The following PCDHGB3 variants were observed in gnomAD, a reference collection of about 807,000 sequenced individuals.
The protein encoded by PCDHGB3 is protocadherin gamma subfamily B, 3.
PCDHGB3 carries 40 observed loss-of-function variants against 59.2 expected under a neutral mutation model. The ratio of observed to expected loss-of-function variants is 0.68; its 90% CI spans 0.52 to 0.88. The LOEUF is 0.88. Ranked by LOEUF, PCDHGB3 falls within the 40% of genes least tolerant of loss-of-function variation. The pLI is 0.00. For synonymous variants in PCDHGB3, 581 were observed against 503.6 expected (o/e 1.15, Z -2.06); for missense variants, 1,309 against 1,187.9 (o/e 1.10, Z -1.50).
At chr5:141,509,481 A>G (rs2099877035) in intron 3 of PCDHGB3, among the ~76,000 whole-genome samples, 1 of 152,010 alleles carries the variant, frequency 6.6e-6, no homozygotes, top group Admixed American at 6.6e-5. Flanking sequence ...TGAGGGGTAG[A>G]GGTGATGGCA....
At chr5:141,441,398 G>A (rs1257981333) in intron 1 of PCDHGB3, 1 of 154,848 alleles carries the variant, frequency 6.5e-6, no homozygotes, top group Non-Finnish European at 1.4e-5. Context: ...TATAACATCA[G>A]CATCACTGCC....
intron 1 of PCDHGB3, chr5:141,433,267 C>T (rs1462399366): frequency 7.7e-7 from 1 of 1,305,096 alleles, no homozygotes; most frequent in Non-Finnish European, 1.1e-6. Context: ...GATCATAGCT[C>T]ACTGCAGCCT....
intron 1 of PCDHGB3, chr5:141,433,007 C>T (rs550227016): frequency 1.2e-6 from 2 of 1,614,198 alleles, no homozygotes; most frequent in Admixed American, 3.3e-5. Context: ...GCAGGCTTTC[C>T]TGCAGACCTA....
chr5:141,482,220 G>T (rs945741591), intron 1 of PCDHGB3, among the ~76,000 whole-genome samples: 8 of 152,148 alleles, frequency 5.3e-5, no homozygotes, highest in African/African-American at 1.9e-4. Flanking sequence ...ACTTGTTTTG[G>T]TGTGAAATTG....
At position 141,431,633 on chromosome 5, in the gene PCDHGB3, T is replaced by G; in HGVS notation, c.2415+58824T>G. On this transcript the variant is annotated intron_variant, in intron 1 of 3. Coordinates refer to ENST00000576222, the MANE Select transcript of PCDHGB3 (RefSeq NM_018924.5). This position sits in a 1 kb window ranked among gnomAD's most constrained non-coding sequence, Gnocchi z 4.8. Reference sequence around the variant, plus strand: ...TGTGGACGACAAGGCGGCCCAAGTTTTCAAACTAGATTGTAATTCAGGGAC... The same window carrying G: ...TGTGGACGACAAGGCGGCCCAAGTTGTCAAACTAGATTGTAATTCAGGGAC... 6.2e-7 allele frequency: 1 copy of G among 1,614,240 alleles called. No individual in the cohort carries two copies. Among genetic ancestry groups the G allele is most frequent in the Non-Finnish European group, 8.5e-7 (1 of 1,180,048 alleles).
rs1417059875 is a variant in PCDHGB3 at position 141,496,499 on chromosome 5, G to C, written c.2474+1634G>C. 2.6e-5 allele frequency among the ~76,000 whole-genome samples: 4 copies of C among 152,102 alleles called. No individual in the cohort carries two copies. In the East Asian group the frequency reaches 7.7e-4, roughly 29 times the overall value. On this transcript the variant is annotated intron_variant, in intron 2 of 3. Coordinates refer to ENST00000576222, the MANE Select transcript of PCDHGB3 (RefSeq NM_018924.5). ...TCCTGCAACCAACCAAACCCTTGTT[G>C]CCACAAGGACCCAGGAGCCCTTGGT...
intron 1 of PCDHGB3, chr5:141,399,271 T>C: frequency 1.2e-6 from 2 of 1,613,926 alleles, no homozygotes; most frequent in Non-Finnish European, 1.7e-6. Flanking sequence ...TAATTGTCAA[T>C]TACAAGGCGA....
intron 1 of PCDHGB3, chr5:141,417,577 C>A: frequency 2.3e-6 from 1 of 439,676 alleles, no homozygotes; most frequent in Non-Finnish European, 4.0e-6. Flanking sequence ...AAGTTGCAGT[C>A]CCACACAGAG....
chr5:141,427,469 C>T lies in PCDHGB3; in HGVS notation c.2415+54660C>T, dbSNP rs116302471. The T allele has an allele frequency of 9.8e-3, 5,010 of 510,088 alleles. 35 individuals are homozygous for T. Among genetic ancestry groups the T allele is most frequent in the Non-Finnish European group, 0.012 (3,225 of 262,464 alleles). 31.6% of individuals were successfully genotyped at this position (510,088 alleles called of 1,614,324 possible). A position where few individuals can be genotyped will look rare whatever the true frequency, so the allele number is the denominator to read the frequency against. On this transcript the variant is annotated intron_variant, in intron 1 of 3. Coordinates refer to ENST00000576222, the MANE Select transcript of PCDHGB3 (RefSeq NM_018924.5). Reference sequence around the variant, plus strand: ...GAGTTCCTTTTAGAATCGAATCTTCCGCCAATAATGACTATAAGCTTGTAA... The same window carrying T: ...GAGTTCCTTTTAGAATCGAATCTTCTGCCAATAATGACTATAAGCTTGTAA...
intron 1 of PCDHGB3, chr5:141,471,509 TA>T (rs1211467109): frequency 6.6e-6 from 1 of 152,008 alleles, no homozygotes; most frequent in Non-Finnish European, 1.5e-5. Context: ...AGAGAGGGAG[TA>T]AAAATAACAG....
At chr5:141,502,862 CTGTCT>C (rs2099816366) in intron 2 of PCDHGB3, among the ~76,000 whole-genome samples, 2 of 68,560 alleles carry the variant, frequency 2.9e-5, no homozygotes, top group Admixed American at 3.3e-4. Flanking sequence ...CCCTGACTCT[CTGTCT>C]TTTTTTTTTT....
At chr5:141,403,416 C>T in intron 1 of PCDHGB3, 1 of 1,614,034 alleles carries the variant, frequency 6.2e-7, no homozygotes, top group Non-Finnish European at 8.5e-7. Context: ...TATCCACTTC[C>T]AGAAGCTATT....
intron 1 of PCDHGB3, chr5:141,374,690 G>A (rs758543198): frequency 6.2e-7 from 1 of 1,609,720 alleles, no homozygotes; most frequent in Non-Finnish European, 8.5e-7. Flanking sequence ...ACTGGACCGG[G>A]AAGGAGAAGC....
Position 141,370,997 on chromosome 5 carries a change from C to G in PCDHGB3, c.603C>G (p.Asp201Glu). 5 of 1,613,984 alleles carry G rather than the reference C, an allele frequency of 3.1e-6. No homozygotes were observed. Among genetic ancestry groups the G allele is most frequent in the Non-Finnish European group, 4.2e-6 (5 of 1,179,900 alleles). The change falls in exon 1 of 4, where the codon GAC becomes GAG. Residue 201 changes from aspartate to glutamate, a missense_variant. Transcript: ENST00000576222. ...YPELVLKAPL[D>E]REEQPHHHLV... ...AGCTAGTACTGAAAGCACCCCTGGA[C>G]AGGGAAGAGCAGCCACATCACCACC...
Position 141,432,211 on chromosome 5 carries a change from C to T in PCDHGB3, c.2415+59402C>T. 6.2e-7 allele frequency: 1 copy of T among 1,614,232 alleles called. No homozygotes were observed. The highest frequency in any genetic ancestry group is 8.5e-7 in the Non-Finnish European group (1 of 1,180,044). On this transcript the variant is annotated intron_variant, in intron 1 of 3. Coordinates refer to ENST00000576222, the MANE Select transcript of PCDHGB3 (RefSeq NM_018924.5). The surrounding 1 kb of genome is among the most constrained non-coding windows in gnomAD (Gnocchi z 6.0). ...CCCACGACCCCGACTGTGAAGAGAA[C>T]GCCCAGATCACTTATTCCCTGGCTG... is the stretch of plus-strand genomic sequence containing the variant.
chr5:141,403,069 A>T (rs747569947), intron 1 of PCDHGB3: 10 of 1,613,954 alleles, frequency 6.2e-6, no homozygotes, highest in Non-Finnish European at 7.6e-6. Context: ...CTGAAGAGAC[A>T]GAAAAGGGCT....
At chr5:141,372,991 G>T (rs758452366) in intron 1 of PCDHGB3, among the ~76,000 whole-genome samples, 182 bp downstream of exon 1, 6 of 152,158 alleles carry the variant, frequency 3.9e-5, no homozygotes, top group Admixed American at 2.0e-4. Context: ...TGTTGCAGTT[G>T]TTCTTTCATA....
rs750397953 is a variant in PCDHGB3 at position 141,409,543 on chromosome 5, C to CA, written c.2415+36736dup. 2.4e-5 allele frequency: 38 copies of CA among 1,613,884 alleles called. No individual in the cohort carries two copies. The South Asian group carries it at 4.1e-4, about 17-fold the overall frequency. On this transcript the variant is annotated intron_variant, in intron 1 of 3. Transcript: ENST00000576222. ...CCTTGTATGTCGCTGACATCAACGACAACGCCCCAGTTTTCGACCAGACGT... is the reference window on the plus strand; with the variant it reads ...CCTTGTATGTCGCTGACATCAACGACAAACGCCCCAGTTTTCGACCAGACGT...
chr5:141,413,541 G>A, intron 1 of PCDHGB3: 1 of 1,613,904 alleles, frequency 6.2e-7, no homozygotes, highest in Non-Finnish European at 8.5e-7. Flanking sequence ...AACTTTTTGG[G>A]ATAGAAATAG....
Sources: allele counts gnomAD v4.1 joint callset (sites outside exome capture counted in the v4.1 genomes callset), GRCh38; gene constraint gnomAD v4.1.1; non-coding constraint Gnocchi (gnomAD v3.1); transcripts MANE v1.5; gene names NCBI Gene and HGNC (gene_info 2026-07-23, HGNC 2026-07-21).